The following TXNRD2 variants were observed in gnomAD, a reference collection of about 807,000 sequenced individuals.
The protein encoded by TXNRD2 is thioredoxin reductase 2.
Under a neutral mutation model 70.8 loss-of-function variants are expected in TXNRD2, and 67 were observed. That is an observed-to-expected ratio of 0.95 (90% CI 0.78 to 1.16). The LOEUF is 1.16. Ranked by LOEUF, TXNRD2 falls within the 50% of genes most tolerant of loss-of-function variation. TXNRD2 has a pLI of 0.00. For synonymous variants in TXNRD2, 301 were observed against 295.8 expected, an observed-to-expected ratio of 1.02 and a Z score of -0.18; for missense variants, 644 against 719.9, an observed-to-expected ratio of 0.89 and a Z score of 1.21.
chr22:19,877,264 G>C (rs1222822719), intron 16 of TXNRD2, 30 bp from the exon 17 acceptor site: 3 of 1,601,308 alleles, frequency 1.9e-6, no homozygotes, highest in Non-Finnish European at 8.5e-7. Context: ...GAGGCAGGCG[G>C]GGTCAGCACA....
chr22:19,934,641 C>T (rs1941483441), intron 1 of TXNRD2, among the ~76,000 whole-genome samples: 1 of 151,050 alleles, frequency 6.6e-6, no homozygotes, highest in Non-Finnish European at 1.5e-5. Context: ...CAGCTCACTG[C>T]AAGCTCCGCC....
chr22:19,909,945 ACACACACACACCACT>A (rs1569094129), intron 8 of TXNRD2, among the ~76,000 whole-genome samples: 2 of 52,216 alleles, frequency 3.8e-5, no homozygotes, highest in East Asian at 6.2e-4. Context: ...CTCACACACC[ACACACACACACCACT>A]CACACACACA....
chr22:19,935,033 A>G (rs568820645), intron 1 of TXNRD2, among the ~76,000 whole-genome samples: 29 of 152,342 alleles, frequency 1.9e-4, no homozygotes, highest in African/African-American at 6.7e-4. Context: ...ACCTTGAAAA[A>G]GAACAGAATA....
intron 10 of TXNRD2, among the ~76,000 whole-genome samples, chr22:19,895,874 G>A (rs927814814): frequency 6.6e-6 from 1 of 152,232 alleles, no homozygotes; most frequent in Non-Finnish European, 1.5e-5. Context: ...GGTCACACCT[G>A]TAATCCCAAC....
At chr22:19,911,948 C>T (rs116287859) in intron 7 of TXNRD2, among the ~76,000 whole-genome samples, 5,711 of 152,218 alleles carry the variant, frequency 0.038, 368 homozygotes, top group African/African-American at 0.13. Flanking sequence ...GGTGTGTCTG[C>T]GCGGCAGGGG....
At chr22:19,915,628 C>T (rs1601448249) in intron 6 of TXNRD2, 137 bp downstream of exon 6, 2 of 800,236 alleles carry the variant, frequency 2.5e-6, no homozygotes, top group East Asian at 2.6e-5. Flanking sequence ...AAGTGCCCAG[C>T]CTCAAAAGAA....
At chr22:19,893,014 C>G (rs191224141) in intron 11 of TXNRD2, among the ~76,000 whole-genome samples, 7 of 152,232 alleles carry the variant, frequency 4.6e-5, no homozygotes, top group African/African-American at 1.4e-4. Context: ...AGGTCCTCCC[C>G]GGTCATCACC....
intron 8 of TXNRD2, chr22:19,902,897 CT>C: frequency 1.9e-6 from 1 of 514,690 alleles, no homozygotes; most frequent in Admixed American, 2.0e-5. Flanking sequence ...CTTCTTCCCT[CT>C]TGTGCTTAGG....
At chr22:19,878,892 C>A (rs543756024) in intron 14 of TXNRD2, among the ~76,000 whole-genome samples, 1 of 152,214 alleles carries the variant, frequency 6.6e-6, no homozygotes, top group African/African-American at 2.4e-5. Context: ...ACACCGGAGC[C>A]GGAGCTGTTG....
At chr22:19,938,571 T>A (rs184060415) in intron 1 of TXNRD2, among the ~76,000 whole-genome samples, 2 of 152,308 alleles carry the variant, frequency 1.3e-5, no homozygotes, top group East Asian at 3.9e-4. Context: ...CTAGAAGGTG[T>A]TAGAAAAGCT....
At chr22:19,931,145 C>T (rs568149075) in intron 1 of TXNRD2, 47 bp from the exon 2 acceptor site, 25 of 1,573,270 alleles carry the variant, frequency 1.6e-5, no homozygotes, top group Middle Eastern at 1.7e-4. Flanking sequence ...TCTGGTTAAA[C>T]GTGGTACAGG....
At chr22:19,891,657 CCCGCAGCAG>C (rs1402764745) in intron 11 of TXNRD2, 1 of 152,270 alleles carries the variant, frequency 6.6e-6, no homozygotes, top group Non-Finnish European at 1.5e-5. Context: ...CGAATTCGAG[CCCGCAGCAG>C]TGCTGGCTGA....
At chr22:19,898,183 G>C in intron 9 of TXNRD2, 53 bp from the exon 10 acceptor site, 1 of 1,495,332 alleles carries the variant, frequency 6.7e-7, no homozygotes. Flanking sequence ...GAAATGATGG[G>C]ACAACACCCC....
rs1940608974 is a variant in TXNRD2, at chr22:19,915,760, C to T, written c.528+5G>A. 2 of 1,614,176 alleles carry T rather than the reference C, an allele frequency of 1.2e-6. No individual in the cohort carries two copies. The highest frequency in any genetic ancestry group is 1.7e-6 in the Non-Finnish European group (2 of 1,179,982). On this transcript the variant is annotated splice_donor_5th_base_variant and intron_variant, in intron 6 of 17. Coordinates refer to ENST00000400521, the MANE Select transcript of TXNRD2 (RefSeq NM_006440.5). ...AGGAGCCACGCGAGTAAGTCAGATG[C>T]TCACCTCTTTCCCACCTTTGGCAAC...
chr22:19,895,208 T>G (rs1408619235), intron 11 of TXNRD2, 199 bp downstream of exon 11: 1 of 1,598,106 alleles, frequency 6.3e-7, no homozygotes, highest in Non-Finnish European at 8.5e-7. Flanking sequence ...GTGCTGGGGA[T>G]GGCAAGATGG....
intron 8 of TXNRD2, among the ~76,000 whole-genome samples, chr22:19,909,597 C>CACACCACA (rs1354825374): frequency 1.7e-5 from 1 of 60,530 alleles, no homozygotes; most frequent in Non-Finnish European, 3.3e-5. Context: ...ACCACACACA[C>CACACCACA]CACTCACACA....
intron 10 of TXNRD2, among the ~76,000 whole-genome samples, chr22:19,896,493 C>A (rs1468561616): frequency 1.3e-5 from 2 of 152,144 alleles, no homozygotes; most frequent in African/African-American, 4.8e-5. Context: ...ATGTGGCCAA[C>A]ATGCCCCTCT....
intron 2 of TXNRD2, among the ~76,000 whole-genome samples, chr22:19,924,589 G>A (rs1941049325): frequency 6.6e-6 from 1 of 152,170 alleles, no homozygotes; most frequent in Admixed American, 6.5e-5. Flanking sequence ...ATAACCAAAG[G>A]CTCAAGCTGG....
At chr22:19,909,609 A>ACCCCT (rs1569093098) in intron 8 of TXNRD2, among the ~76,000 whole-genome samples, 3 of 127,934 alleles carry the variant, frequency 2.3e-5, no homozygotes, top group East Asian at 2.6e-4. Flanking sequence ...ACTCACACAC[A>ACCCCT]CACACCACAC....
Sources: allele counts gnomAD v4.1 joint callset (sites outside exome capture counted in the v4.1 genomes callset), GRCh38; gene constraint gnomAD v4.1.1; transcripts MANE v1.5; gene names NCBI Gene and HGNC (gene_info 2026-07-23, HGNC 2026-07-21).